The following PTPRD variants were observed in gnomAD, a reference collection of about 807,000 sequenced individuals.
PTPRD encodes protein tyrosine phosphatase receptor type D.
A neutral mutation model predicts 214.5 loss-of-function variants in PTPRD; 34 were observed. The observed-to-expected ratio is 0.16, with a 90% CI of 0.12 to 0.21. The LOEUF is 0.21. PTPRD is among the 10% of genes least tolerant of loss of function. The pLI, the probability that PTPRD is intolerant of heterozygous loss-of-function variation, is 1.00. For missense variants in PTPRD, 2,545 were observed against 2,398.7 expected (o/e 1.06, Z -1.27); for synonymous variants, 1,128 against 845.7 (o/e 1.33, Z -5.79).
chr9:9,992,337 C>G (rs1047699753), intron 4 of PTPRD, among the ~76,000 whole-genome samples: 15 of 152,280 alleles, frequency 9.9e-5, no homozygotes, highest in African/African-American at 3.1e-4. Flanking sequence ...ATAACGTATT[C>G]TAGCTTATCA....
chr9:9,578,818 T>C (rs1023873952), intron 7 of PTPRD, among the ~76,000 whole-genome samples: 1 of 152,226 alleles, frequency 6.6e-6, no homozygotes, highest in Admixed American at 6.6e-5. Context: ...AAGTTAAAAT[T>C]GAACCTGAAG....
chr9:9,616,594 T>C (rs2094880097), intron 7 of PTPRD, among the ~76,000 whole-genome samples: 1 of 152,104 alleles, frequency 6.6e-6, no homozygotes, highest in Non-Finnish European at 1.5e-5. Context: ...ATCTTATTCG[T>C]GAGGGCTGCT....
Position 9,046,649 on chromosome 9 carries a change from A to G in PTPRD, c.-142-27914T>C, listed in dbSNP as rs148503166. 3.3e-5 allele frequency among the ~76,000 whole-genome samples: 5 copies of G among 152,298 alleles called. No homozygotes were observed. The East Asian group carries it at 9.6e-4, about 29-fold the overall frequency. On this transcript the variant is annotated intron_variant, in intron 10 of 45. Transcript: ENST00000381196. ...GTCATATAACTTTTTTATTAAAGGA[A>G]TAGATAGTAAATATTTTAGGCTTTG...
intron 11 of PTPRD, among the ~76,000 whole-genome samples, chr9:8,780,162 G>A (rs2095639219): frequency 6.6e-6 from 1 of 152,088 alleles, no homozygotes; most frequent in Non-Finnish European, 1.5e-5. Context: ...AAATTCACCA[G>A]ATCATAATTA....
At chr9:10,262,912 G>A (rs2093791998) in intron 3 of PTPRD, among the ~76,000 whole-genome samples, 1 of 152,086 alleles carries the variant, frequency 6.6e-6, no homozygotes, top group Non-Finnish European at 1.5e-5. Flanking sequence ...GACCTGAGGG[G>A]AGATAATTGA....
chr9:9,302,601 C>CTTTTTTTTTTTTTTTTTTT (rs3047853), intron 9 of PTPRD, among the ~76,000 whole-genome samples: 9 of 111,886 alleles, frequency 8.0e-5, no homozygotes, highest in Non-Finnish European at 1.4e-4. Context: ...TTTTTTTTTT[C>CTTTTTTTTTTTTTTTTTTT]TTTTTTTTTT....
chr9:9,741,316 C>G (rs10977942), intron 6 of PTPRD, among the ~76,000 whole-genome samples: 1 of 151,464 alleles, frequency 6.6e-6, no homozygotes, highest in African/African-American at 2.4e-5. Context: ...AATTAATAAC[C>G]AATAATAGAT....
At chr9:9,154,080 T>A (rs1034787371) in intron 10 of PTPRD, among the ~76,000 whole-genome samples, 21 of 152,158 alleles carry the variant, frequency 1.4e-4, no homozygotes, top group Non-Finnish European at 2.6e-4. Flanking sequence ...GCTTGATTTG[T>A]CTGCTTGCAC....
chr9:9,658,597 G>C (rs17787761), intron 7 of PTPRD, among the ~76,000 whole-genome samples: 3,227 of 152,182 alleles, frequency 0.021, 59 homozygotes, highest in Non-Finnish European at 0.033. Flanking sequence ...TCATTGTTCA[G>C]ACAGATCTGG....
chr9:8,367,145 T>C (rs927861200), intron 39 of PTPRD, among the ~76,000 whole-genome samples: 2 of 152,196 alleles, frequency 1.3e-5, no homozygotes, highest in African/African-American at 4.8e-5. Flanking sequence ...TAGTTCTCTG[T>C]ATGCTTTAAA....
Position 8,316,132 on chromosome 9 carries a change from G to A in PTPRD, c.*1742C>T, listed in dbSNP as rs2130225978. 1 of 229,938 alleles carries A rather than the reference G, an allele frequency of 4.3e-6. No individual in the cohort carries two copies. Among genetic ancestry groups the A allele is most frequent in the African/African-American group, 2.2e-5 (1 of 45,194 alleles). The allele number at this position is 229,938 out of a possible 1,614,324, so 14.2% of individuals were successfully genotyped here. ...TGTTGATGATTGATTATAAAAGGAA[G>A]AAGGGCCCTGATTATCCAAGTGCTT... On this transcript the variant is annotated 3_prime_UTR_variant, in exon 46 of 46. Transcript: ENST00000381196.
intron 3 of PTPRD, among the ~76,000 whole-genome samples, chr9:10,153,976 A>T (rs998711367): frequency 6.6e-6 from 1 of 152,102 alleles, no homozygotes; most frequent in Non-Finnish European, 1.5e-5. Flanking sequence ...TGATAGAATG[A>T]TTTATAATGT....
chr9:10,171,363 T>C (rs1241782292), intron 3 of PTPRD, among the ~76,000 whole-genome samples: 2 of 152,082 alleles, frequency 1.3e-5, no homozygotes, highest in African/African-American at 4.8e-5. Flanking sequence ...CTGATGGTTT[T>C]ATAAGGAGAA....
chr9:8,485,168 A>G, intron 29 of PTPRD, 59 bp downstream of exon 29: 1 of 1,435,578 alleles, frequency 7.0e-7, no homozygotes, highest in South Asian at 1.2e-5. Flanking sequence ...TAACTTACCC[A>G]GATAAACTGT....
intron 10 of PTPRD, among the ~76,000 whole-genome samples, chr9:9,056,160 G>A (rs2099695872): frequency 6.6e-6 from 1 of 152,152 alleles, no homozygotes; most frequent in Non-Finnish European, 1.5e-5. Context: ...AATCTACGAA[G>A]AAGACAAAAT....
At chr9:10,561,903 A>G (rs2064076006) in intron 2 of PTPRD, among the ~76,000 whole-genome samples, 1 of 152,160 alleles carries the variant, frequency 6.6e-6, no homozygotes, top group African/African-American at 2.4e-5. Flanking sequence ...GCTTATAAAT[A>G]AGTATGTATT....
At chr9:8,575,812 A>C (rs1363011718) in intron 14 of PTPRD, among the ~76,000 whole-genome samples, 1 of 152,206 alleles carries the variant, frequency 6.6e-6, no homozygotes, top group African/African-American at 2.4e-5. Flanking sequence ...TAAATGCATT[A>C]ACTTAAATTT....
chr9:8,640,207 G>C (rs1243640583), intron 12 of PTPRD, among the ~76,000 whole-genome samples: 1 of 152,140 alleles, frequency 6.6e-6, no homozygotes, highest in Non-Finnish European at 1.5e-5. Context: ...GGAATTACAA[G>C]TGTGAGCCAT....
chr9:8,506,949 T>C (rs985573697), intron 22 of PTPRD, among the ~76,000 whole-genome samples: 1 of 152,216 alleles, frequency 6.6e-6, no homozygotes, highest in Non-Finnish European at 1.5e-5. Context: ...GTGACTTAAA[T>C]ACTTTCATGA....
Sources: gnomAD v4.1 joint callset for allele counts (sites outside exome capture counted in the v4.1 genomes callset) on GRCh38, gnomAD v4.1.1 for gene constraint, MANE v1.5 for transcripts, NCBI Gene and HGNC (gene_info 2026-07-23, HGNC 2026-07-21) for gene names.